The following CTNNA3 variants were observed in gnomAD, a reference collection of about 807,000 sequenced individuals.
CTNNA3 encodes the protein catenin alpha 3, also known as catenin alpha-3.
Under a neutral mutation model 95.7 loss-of-function variants are expected in CTNNA3, and 76 were observed. That is an observed-to-expected ratio of 0.79 (90% confidence interval 0.66 to 0.96). CTNNA3 has a LOEUF of 0.96. CTNNA3 is among the 40% of genes least tolerant of loss of function. CTNNA3 has a pLI of 0.00. For synonymous variants in CTNNA3, 431 were observed against 374.4 expected (o/e 1.15, Z -1.74); for missense variants, 1,191 against 1,089.8 (o/e 1.09, Z -1.31).
At chr10:66,392,767 G>A (rs898170816) in intron 11 of CTNNA3, among the ~76,000 whole-genome samples, 7 of 152,198 alleles carry the variant, frequency 4.6e-5, no homozygotes, top group Middle Eastern at 6.8e-3. Flanking sequence ...AAGAACTCTC[G>A]TTCATCGCTG....
intron 14 of CTNNA3, among the ~76,000 whole-genome samples, chr10:66,087,138 G>GATTT (rs2081014377): frequency 2.0e-5 from 3 of 151,758 alleles, no homozygotes; most frequent in Non-Finnish European, 2.9e-5. Context: ...AAGATTTGTG[G>GATTT]GCTATGTAAA....
chr10:66,027,009 GATAAA>G (rs1296345998), intron 15 of CTNNA3, among the ~76,000 whole-genome samples: 7 of 151,884 alleles, frequency 4.6e-5, no homozygotes, highest in Non-Finnish European at 1.0e-4. Context: ...AAGTTAAATA[GATAAA>G]ATAAAACAAA....
chr10:66,513,189 T>C (rs185652186), intron 11 of CTNNA3, among the ~76,000 whole-genome samples: 2 of 152,300 alleles, frequency 1.3e-5, no homozygotes, highest in East Asian at 3.9e-4. Context: ...GTAAACTTTT[T>C]TCATTTTTAT....
intron 9 of CTNNA3, among the ~76,000 whole-genome samples, chr10:66,702,550 C>CA (rs781342406): frequency 3.3e-5 from 5 of 151,328 alleles, no homozygotes; most frequent in Non-Finnish European, 7.4e-5. Context: ...ACTAAAAATA[C>CA]AAAAAATTAG....
At chr10:66,644,855 A>T (rs1242823027) in intron 9 of CTNNA3, among the ~76,000 whole-genome samples, 2 of 152,170 alleles carry the variant, frequency 1.3e-5, no homozygotes, top group Non-Finnish European at 2.9e-5. Flanking sequence ...TTCCCACACC[A>T]CAAGAGTATT....
chr10:67,738,710 T>C (rs970179520), intron 1 of CTNNA3, among the ~76,000 whole-genome samples: 7 of 148,516 alleles, frequency 4.7e-5, no homozygotes, highest in African/African-American at 7.4e-5. Context: ...ATTAGACGAA[T>C]GGCTAACTAG....
intron 7 of CTNNA3, among the ~76,000 whole-genome samples, chr10:66,836,660 T>C (rs1166018976): frequency 1.3e-5 from 2 of 152,160 alleles, no homozygotes; most frequent in East Asian, 1.9e-4. Context: ...ACCCACTATG[T>C]GGCATGTAGC....
chr10:67,060,832 G>C (rs776598071), intron 7 of CTNNA3, among the ~76,000 whole-genome samples: 1 of 148,636 alleles, frequency 6.7e-6, no homozygotes, highest in Non-Finnish European at 1.5e-5. Context: ...GTACATATAT[G>C]ACATGAAAAA....
In CTNNA3 at chr10:66,955,542, T is replaced by A. The variant is rs750426678; in HGVS notation, c.1048-180018A>T. Among the ~76,000 whole-genome samples, 12 of 152,274 alleles carry A rather than the reference T, an allele frequency of 7.9e-5. No individual in the cohort carries two copies. The Middle Eastern group carries it at 0.01, about 129-fold the overall frequency. On this transcript the variant is annotated intron_variant, in intron 7 of 17. Coordinates refer to ENST00000433211, the MANE Select transcript of CTNNA3 (RefSeq NM_013266.4). ...TATCTGTTTGGCTCCAAAGCCTACATTAATTCCAGTTTTCCTCATTGCCTC... is the reference window on the plus strand; with the variant it reads ...TATCTGTTTGGCTCCAAAGCCTACAATAATTCCAGTTTTCCTCATTGCCTC...
At position 67,578,002 on chromosome 10, in the gene CTNNA3, C is replaced by T. The variant is rs546204515; in HGVS notation, c.292+28855G>A. Among the ~76,000 whole-genome samples, 9 of 144,680 alleles carry T rather than the reference C, an allele frequency of 6.2e-5. 1 individual carries two copies. Among genetic ancestry groups the T allele is most frequent in the African/African-American group, 2.0e-4 (7 of 35,798 alleles). The allele number at this position is 144,680 out of a possible 152,430, so 94.9% of individuals were successfully genotyped here. A position where few individuals can be genotyped will look rare whatever the true frequency, so the allele number is the denominator to read the frequency against. On this transcript the variant is annotated intron_variant, in intron 3 of 17. Transcript: ENST00000433211. ...AAGAGTTTTCTTTTCTCCACATCCT[C>T]GCCAACATCTGTTATTTTTTGTCCT...
At chr10:66,317,396 G>A (rs571888542) in intron 12 of CTNNA3, among the ~76,000 whole-genome samples, 51 of 152,008 alleles carry the variant, frequency 3.4e-4, no homozygotes, top group South Asian at 1.2e-3. Context: ...ATTTTAAGCC[G>A]GGCGTGGTGG....
At chr10:66,401,613 T>G (rs923467495) in intron 11 of CTNNA3, among the ~76,000 whole-genome samples, 4 of 151,882 alleles carry the variant, frequency 2.6e-5, no homozygotes, top group African/African-American at 9.7e-5. Flanking sequence ...AATTTTGATT[T>G]TACTTTTGCA....
chr10:67,002,894 TATC>T (rs1487746259), intron 7 of CTNNA3, among the ~76,000 whole-genome samples: 1 of 152,192 alleles, frequency 6.6e-6, no homozygotes, highest in African/African-American at 2.4e-5. Context: ...AAAAACTTAG[TATC>T]ATTATTATTC....
At chr10:66,655,348 C>T (rs1846039411) in intron 9 of CTNNA3, among the ~76,000 whole-genome samples, 1 of 151,886 alleles carries the variant, frequency 6.6e-6, no homozygotes, top group African/African-American at 2.4e-5. Flanking sequence ...AGTACTAAAC[C>T]TTAACAGATA....
chr10:66,994,513 T>G (rs965724282), intron 7 of CTNNA3, among the ~76,000 whole-genome samples: 6 of 152,202 alleles, frequency 3.9e-5, no homozygotes, highest in Middle Eastern at 3.4e-3. Context: ...ACTTCTAAAG[T>G]AGGAAAAAAG....
intron 15 of CTNNA3, among the ~76,000 whole-genome samples, chr10:66,026,974 T>C (rs1169013511): frequency 6.6e-6 from 1 of 152,128 alleles, no homozygotes; most frequent in Non-Finnish European, 1.5e-5. Context: ...TTGTTTTTTA[T>C]TATAAACACT....
intron 5 of CTNNA3, among the ~76,000 whole-genome samples, chr10:67,390,168 T>G (rs1844394670): frequency 6.6e-6 from 1 of 152,054 alleles, no homozygotes; most frequent in South Asian, 2.1e-4. Context: ...CTAGCATGAC[T>G]AATAAAGAAA....
intron 11 of CTNNA3, among the ~76,000 whole-genome samples, chr10:66,426,885 T>C (rs2093246915): frequency 6.6e-6 from 1 of 151,956 alleles, no homozygotes; most frequent in South Asian, 2.1e-4. Flanking sequence ...CTTCGCCAAA[T>C]ACTTTATTTT....
chr10:66,069,564 G>A (rs989648107), intron 14 of CTNNA3, 75 bp from the exon 15 acceptor site: 1 of 1,127,326 alleles, frequency 8.9e-7, no homozygotes, highest in Non-Finnish European at 1.3e-6. Flanking sequence ...AGATATTATA[G>A]GATACTCATA....
Sources: allele counts gnomAD v4.1 joint callset (sites outside exome capture counted in the v4.1 genomes callset), GRCh38; gene constraint gnomAD v4.1.1; transcripts MANE v1.5; gene names NCBI Gene and HGNC (gene_info 2026-07-23, HGNC 2026-07-21).